Variants in SLC12A7 observed in about 807,000 individuals in gnomAD.
The protein encoded by SLC12A7 is K-Cl cotransporter 4.
A neutral mutation model predicts 120.6 loss-of-function variants in SLC12A7; 100 were observed. The observed-to-expected ratio is 0.83, with a 90% confidence interval of 0.71 to 0.98. The LOEUF is 0.98. Ranked by LOEUF, SLC12A7 falls within the 50% of genes least tolerant of loss-of-function variation. The pLI is 0.00. For synonymous variants in SLC12A7, 760 were observed against 678.0 expected (o/e 1.12, Z -1.88); for missense variants, 1,373 against 1,548.1 (o/e 0.89, Z 1.90).
chr5:1,058,812 C>G (rs1214106741), intron 21 of SLC12A7, among the ~76,000 whole-genome samples: 1 of 152,182 alleles, frequency 6.6e-6, no homozygotes, highest in African/African-American at 2.4e-5. Context: ...GCAGAGCCAG[C>G]GCCGCCCACC....
chr5:1,058,444 G>A (rs1009508176), intron 21 of SLC12A7, among the ~76,000 whole-genome samples: 1 of 152,218 alleles, frequency 6.6e-6, no homozygotes, highest in Admixed American at 6.5e-5. Flanking sequence ...GCACACACTG[G>A]AATGGCCACC....
the SLC12A7 span, among the ~76,000 whole-genome samples, chr5:1,154,354 A>AACAC: frequency 0.28 from 40,020 of 141,506 alleles, 6,054 homozygotes; most frequent in Non-Finnish European, 0.35. Context: ...TGGTGTCCGC[A>AACAC]ACACACACAC....
chr5:1,115,253 A>C (rs995250913), upstream of SLC12A7, among the ~76,000 whole-genome samples: 1 of 152,220 alleles, frequency 6.6e-6, no homozygotes, highest in African/African-American at 2.4e-5. Context: ...GATGGTGGTT[A>C]CATTCTGTGT....
At chr5:1,090,173 G>A (rs1019645637) in intron 3 of SLC12A7, among the ~76,000 whole-genome samples, 3 of 152,214 alleles carry the variant, frequency 2.0e-5, no homozygotes, top group Non-Finnish European at 4.4e-5. Flanking sequence ...GGGAGAGCAC[G>A]CTGAACACCA....
At chr5:1,148,044 C>T in the SLC12A7 span, among the ~76,000 whole-genome samples, 1 of 152,034 alleles carries the variant, frequency 6.6e-6, no homozygotes, top group Non-Finnish European at 1.5e-5. Context: ...CTTCTGTCTC[C>T]CTGAAATGTA....
chr5:1,129,514 C>CCCAGGA, the SLC12A7 span, among the ~76,000 whole-genome samples: 2 of 152,154 alleles, frequency 1.3e-5, no homozygotes, highest in African/African-American at 2.4e-5. Flanking sequence ...TCCTGTGACG[C>CCCAGGA]CCAGGACCAG....
the SLC12A7 span, among the ~76,000 whole-genome samples, chr5:1,130,589 C>G: frequency 6.7e-6 from 1 of 148,776 alleles, no homozygotes; most frequent in African/African-American, 2.5e-5. Context: ...GGCGGCTGCC[C>G]GCGCAGGTCC....
At chr5:1,140,816 G>A in the SLC12A7 span, among the ~76,000 whole-genome samples, 24 of 152,364 alleles carry the variant, frequency 1.6e-4, 1 homozygote, top group South Asian at 4.3e-3. Context: ...GAGGGATGTG[G>A]TCACTGCACC....
At chr5:1,060,194 C>T (rs552798274) in intron 21 of SLC12A7, 150 bp downstream of exon 21, 87 of 639,018 alleles carry the variant, frequency 1.4e-4, no homozygotes, top group African/African-American at 1.0e-3. Flanking sequence ...GCCACCTCCA[C>T]GCAGGCTGGG....
chr5:1,134,977 A>C, the SLC12A7 span, among the ~76,000 whole-genome samples: 27 of 151,868 alleles, frequency 1.8e-4, 1 homozygote, highest in East Asian at 1.5e-3. Flanking sequence ...AAATACAAAA[A>C]TTACCTGGGT....
At chr5:1,108,746 C>A (rs962309502) in intron 1 of SLC12A7, among the ~76,000 whole-genome samples, 1 of 152,242 alleles carries the variant, frequency 6.6e-6, no homozygotes, top group East Asian at 1.9e-4. Context: ...GCACCCAGCA[C>A]CCGACAGGCG....
chr5:1,133,342 T>C, the SLC12A7 span, among the ~76,000 whole-genome samples: 9 of 152,306 alleles, frequency 5.9e-5, no homozygotes, highest in East Asian at 3.9e-4. Flanking sequence ...CCTCAGGATC[T>C]TCAGACCCCA....
the SLC12A7 span, among the ~76,000 whole-genome samples, chr5:1,136,678 C>T: frequency 2.1e-5 from 3 of 143,946 alleles, no homozygotes; most frequent in Admixed American, 7.0e-5. Context: ...CACCAGGACA[C>T]GCAGGCACAC....
the SLC12A7 span, among the ~76,000 whole-genome samples, chr5:1,154,635 T>C: frequency 6.6e-6 from 1 of 152,142 alleles, no homozygotes; most frequent in Non-Finnish European, 1.5e-5. Flanking sequence ...AGATGCTCGC[T>C]CCTCTGGGCC....
intron 1 of SLC12A7, among the ~76,000 whole-genome samples, chr5:1,107,876 G>A (rs940223689): frequency 3.9e-5 from 6 of 152,166 alleles, no homozygotes; most frequent in Admixed American, 6.5e-5. Context: ...ACCTGAACAC[G>A]AGGCCACACC....
At chr5:1,137,405 G>T in the SLC12A7 span, among the ~76,000 whole-genome samples, 1 of 152,050 alleles carries the variant, frequency 6.6e-6, no homozygotes, top group Non-Finnish European at 1.5e-5. Flanking sequence ...TCCCCACCTT[G>T]TTTCCTTACA....
At chr5:1,065,564 C>G in intron 17 of SLC12A7, 86 bp from the exon 18 acceptor site, 1 of 1,171,446 alleles carries the variant, frequency 8.5e-7, no homozygotes, top group South Asian at 1.6e-5. Context: ...AGGGCACCCG[C>G]ACCACCTCCC....
rs374519285 is a variant in SLC12A7, at chr5:1,094,289, C to T, written c.125-41G>A. ...CAATTCAGAGTCAGCTTAGAAGGAA[C>T]TAAAAGCAAGCACAGAAGGCCAACT... On this transcript the variant is annotated intron_variant, in intron 1 of 23. Coordinates refer to ENST00000264930, the MANE Select transcript of SLC12A7 (RefSeq NM_006598.3). 1.3e-5 allele frequency: 20 copies of T among 1,507,424 alleles called. No homozygotes were observed. The East Asian group carries it at 3.6e-4, about 27-fold the overall frequency. The allele number at this position is 1,507,424 out of a possible 1,614,324, so 93.4% of individuals were successfully genotyped here. A position where few individuals can be genotyped will look rare whatever the true frequency, so the allele number is the denominator to read the frequency against.
chr5:1,138,851 G>C, the SLC12A7 span, among the ~76,000 whole-genome samples: 3 of 152,218 alleles, frequency 2.0e-5, no homozygotes, highest in African/African-American at 4.8e-5. Flanking sequence ...GGGAGCCCCA[G>C]GGTGTCTGTT....
Sources: gnomAD v4.1 joint callset for allele counts (sites outside exome capture counted in the v4.1 genomes callset) on GRCh38, gnomAD v4.1.1 for gene constraint, MANE v1.5 for transcripts, NCBI Gene and HGNC (gene_info 2026-07-23, HGNC 2026-07-21) for gene names.